AMMECR1: variants seen among roughly 807,000 people sequenced by gnomAD.
AMMECR1 encodes the protein AMMECR nuclear protein 1.
A neutral mutation model predicts 22.5 loss-of-function variants in AMMECR1; 3 were observed. The ratio of observed to expected loss-of-function variants is 0.13; its 90% CI spans 0.06 to 0.35. The LOEUF is 0.35. AMMECR1 is among the 10% of genes least tolerant of loss of function. The pLI, the probability that AMMECR1 is intolerant of heterozygous loss-of-function variation, is 1.00. For synonymous variants in AMMECR1, 130 were observed against 116.7 expected, an observed-to-expected ratio of 1.11 and a Z score of -0.74; for missense variants, 235 against 278.7, an observed-to-expected ratio of 0.84 and a Z score of 1.12.
At chrX:110,307,329 C>G (rs771195438) in intron 1 of AMMECR1, 26 of 110,622 alleles carry the variant, frequency 2.4e-4, no homozygotes, top group African/African-American at 7.9e-4. Flanking sequence ...ATGGCTGACA[C>G]TCCAGTTATC....
At chrX:110,429,776 C>A (rs947788032) in intron 1 of AMMECR1, among the ~76,000 whole-genome samples, 2 of 112,210 alleles carry the variant, frequency 1.8e-5, no homozygotes, top group African/African-American at 6.5e-5. Flanking sequence ...AGCCACCATG[C>A]CTGGCTAGAA....
intron 2 of AMMECR1, among the ~76,000 whole-genome samples, chrX:110,241,643 C>T (rs1349476373): frequency 2.8e-5 from 3 of 108,584 alleles, no homozygotes; most frequent in Non-Finnish European, 5.7e-5. Context: ...GGGAACATCA[C>T]ACACCAGGGC....
At chrX:110,273,294 T>C (rs1198133333) in intron 1 of AMMECR1, among the ~76,000 whole-genome samples, 1 of 111,899 alleles carries the variant, frequency 8.9e-6, no homozygotes, top group Non-Finnish European at 1.9e-5. Flanking sequence ...TGCTGGCTGC[T>C]TGTATGTCTT....
chrX:110,197,209 C>T lies in AMMECR1; in HGVS notation c.*1311G>A, dbSNP rs2067375026. The T allele has an allele frequency of 8.9e-6, 1 of 112,151 alleles. No homozygotes were observed. Among genetic ancestry groups the T allele is most frequent in the South Asian group, 3.7e-4 (1 of 2,737 alleles). The allele number at this position is 112,151 out of a possible 1,213,427, so 9.2% of individuals were successfully genotyped here. A position where few individuals can be genotyped will look rare whatever the true frequency, so the allele number is the denominator to read the frequency against. On this transcript the variant is annotated 3_prime_UTR_variant, in exon 6 of 6. Transcript: ENST00000262844. ...GCCAACTCCATTTTCACAGGTGTGA[C>T]ATAACATCTTATCAATGTAGTAAAT... is the stretch of plus-strand genomic sequence containing the variant.
chrX:110,207,797 CT>C (rs1057135458), intron 3 of AMMECR1, among the ~76,000 whole-genome samples: 25 of 111,554 alleles, frequency 2.2e-4, no homozygotes, highest in African/African-American at 8.2e-4. Flanking sequence ...AAACATGCAT[CT>C]TTTTTTCTGG....
At chrX:110,240,694 A>G (rs993298831) in intron 2 of AMMECR1, among the ~76,000 whole-genome samples, 14 of 111,742 alleles carry the variant, frequency 1.3e-4, no homozygotes, top group African/African-American at 4.6e-4. Context: ...AGAGATATTC[A>G]GGACTTGAGC....
chrX:110,276,016 C>G (rs1176553730), intron 1 of AMMECR1, among the ~76,000 whole-genome samples: 1 of 110,050 alleles, frequency 9.1e-6, no homozygotes, highest in East Asian at 2.8e-4. Context: ...TATGGGACTC[C>G]AGTTGCAAGT....
intron 2 of AMMECR1, chrX:110,224,934 G>GC (rs1556034026): frequency 6.0e-6 from 2 of 335,781 alleles, no homozygotes; most frequent in Non-Finnish European, 1.1e-5. Flanking sequence ...TCTCCAAGCT[G>GC]TTTTTTTTTA....
chrX:110,422,855 A>G (rs956563453), intron 2 of AMMECR1, among the ~76,000 whole-genome samples: 1 of 112,443 alleles, frequency 8.9e-6, no homozygotes, highest in African/African-American at 3.2e-5. Context: ...CGAACAGCCA[A>G]TCCAAACATT....
At chrX:110,423,850 C>A (rs1415309180) in intron 2 of AMMECR1, among the ~76,000 whole-genome samples, 1 of 112,271 alleles carries the variant, frequency 8.9e-6, no homozygotes, top group African/African-American at 3.2e-5. Context: ...TGGTAAGAAA[C>A]AGGTGGTTAA....
At chrX:110,381,568 CT>C (rs913137893) in intron 2 of AMMECR1, among the ~76,000 whole-genome samples, 6 of 112,009 alleles carry the variant, frequency 5.4e-5, no homozygotes, top group African/African-American at 1.9e-4. Context: ...AGTCCTCTTA[CT>C]GGGTATATAT....
chrX:110,365,525 G>C (rs1048497787), intron 2 of AMMECR1, among the ~76,000 whole-genome samples: 7 of 111,570 alleles, frequency 6.3e-5, no homozygotes, highest in Non-Finnish European at 1.3e-4. Context: ...TCTTAATCCT[G>C]CTCTCCTGAG....
At chrX:110,340,509 T>G (rs1310398296) in intron 2 of AMMECR1, among the ~76,000 whole-genome samples, 1 of 111,940 alleles carries the variant, frequency 8.9e-6, no homozygotes, top group East Asian at 2.8e-4. Context: ...ATCAAAAGAA[T>G]GCTAGATTTT....
chrX:110,346,775 A>G (rs1322751296), intron 2 of AMMECR1: 6 of 759,271 alleles, frequency 7.9e-6, no homozygotes, highest in African/African-American at 2.1e-5. Flanking sequence ...GCAGAGGGTC[A>G]TGTTGAGCAT....
chrX:110,270,839 A>G (rs990761897), intron 1 of AMMECR1, among the ~76,000 whole-genome samples: 3 of 112,172 alleles, frequency 2.7e-5, no homozygotes, highest in Admixed American at 9.4e-5. Flanking sequence ...GCTGGACTTC[A>G]TCAAACCCAG....
chrX:110,418,565 G>A (rs1215263106), intron 2 of AMMECR1, among the ~76,000 whole-genome samples: 1 of 111,657 alleles, frequency 9.0e-6, no homozygotes, highest in Non-Finnish European at 1.9e-5. Flanking sequence ...GCAAGCTTAA[G>A]GCCGGGTGGG....
chrX:110,210,278 G>C (rs2067441360), intron 3 of AMMECR1, among the ~76,000 whole-genome samples: 1 of 108,777 alleles, frequency 9.2e-6, no homozygotes, highest in African/African-American at 3.3e-5. Context: ...ATTTAAAGTA[G>C]AGCATCAAGA....
At position 110,194,456 on chromosome X, in the gene AMMECR1, C is replaced by T. The variant is rs948463179; in HGVS notation, c.*4064G>A. 3 of 111,471 alleles carry T rather than the reference C, an allele frequency of 2.7e-5. No homozygotes were observed. Among genetic ancestry groups the T allele is most frequent in the Non-Finnish European group, 5.7e-5 (3 of 53,050 alleles). The allele number at this position is 111,471 out of a possible 1,213,427, so 9.2% of individuals were successfully genotyped here. A position where few individuals can be genotyped will look rare whatever the true frequency, so the allele number is the denominator to read the frequency against. On this transcript the variant is annotated 3_prime_UTR_variant, in exon 6 of 6. Coordinates refer to ENST00000262844, the MANE Select transcript of AMMECR1 (RefSeq NM_015365.3). Reference sequence around the variant, plus strand: ...GTTTCAGGTAATCTGTGATGTCTTACGGTAATCAAAAAACAGGTTACTAAG... The same window carrying T: ...GTTTCAGGTAATCTGTGATGTCTTATGGTAATCAAAAAACAGGTTACTAAG...
rs1457184651 is a variant in AMMECR1 at position 110,196,434 on chromosome X, A to G, written c.*2086T>C. 2.5e-4 allele frequency: 27 copies of G among 106,605 alleles called. No individual in the cohort carries two copies. Among genetic ancestry groups the G allele is most frequent in the African/African-American group, 8.9e-4 (26 of 29,144 alleles). 8.8% of individuals were successfully genotyped at this position (106,605 alleles called of 1,213,427 possible). A position where few individuals can be genotyped will look rare whatever the true frequency, so the allele number is the denominator to read the frequency against. ...TGTTTGTTTTTTTTTGCAGCAGACA[A>G]TATCATTCAGCTTGTGCTCAGTTTC... On this transcript the variant is annotated 3_prime_UTR_variant, in exon 6 of 6. Coordinates refer to ENST00000262844, the MANE Select transcript of AMMECR1 (RefSeq NM_015365.3).
Sources: gnomAD v4.1 joint callset for allele counts (sites outside exome capture counted in the v4.1 genomes callset) on GRCh38, gnomAD v4.1.1 for gene constraint, MANE v1.5 for transcripts, NCBI Gene and HGNC (gene_info 2026-07-23, HGNC 2026-07-21) for gene names.